The following HDAC9 variants were observed in gnomAD, a reference collection of about 807,000 sequenced individuals.
HDAC9 encodes the protein MEF-2 interacting transcription repressor (MITR) protein.
A neutral mutation model predicts 139.4 loss-of-function variants in HDAC9; 41 were observed. That is an observed-to-expected ratio of 0.29 (90% CI 0.23 to 0.38). HDAC9 has a LOEUF of 0.38. Ranked by LOEUF, HDAC9 falls within the 10% of genes least tolerant of loss-of-function variation. The probability of loss-of-function intolerance (pLI) is 1.00; values close to 1 mark genes in which losing one functional copy is unlikely to be tolerated. For missense variants in HDAC9, 1,147 were observed against 1,297.0 expected (o/e 0.88, Z 1.78); for synonymous variants, 517 against 476.2 (o/e 1.09, Z -1.12).
intron 1 of HDAC9, among the ~76,000 whole-genome samples, chr7:18,122,180 G>T (rs1430130667): frequency 2.0e-5 from 3 of 152,192 alleles, no homozygotes; most frequent in Non-Finnish European, 4.4e-5. Flanking sequence ...TTCACAAGCA[G>T]TTGAAAGATT....
intron 25 of HDAC9, among the ~76,000 whole-genome samples, chr7:18,984,501 T>A (rs1563106471): frequency 6.6e-6 from 1 of 151,906 alleles, no homozygotes; most frequent in Non-Finnish European, 1.5e-5. Context: ...ACAGAGAGTG[T>A]CATGGAGGAG....
chr7:18,369,826 A>G (rs1784460403), intron 1 of HDAC9, among the ~76,000 whole-genome samples: 1 of 152,004 alleles, frequency 6.6e-6, no homozygotes, highest in Admixed American at 6.6e-5. Context: ...ATCATCTCCA[A>G]ATGGGATTGT....
chr7:18,383,391 G>T (rs1377947851), intron 1 of HDAC9, among the ~76,000 whole-genome samples: 1 of 152,112 alleles, frequency 6.6e-6, no homozygotes, highest in Non-Finnish European at 1.5e-5. Flanking sequence ...ACACTATTAG[G>T]CTATCAAAGT....
intron 16 of HDAC9, among the ~76,000 whole-genome samples, chr7:18,781,244 C>T (rs143397869): frequency 6.6e-6 from 1 of 152,136 alleles, no homozygotes; most frequent in East Asian, 1.9e-4. Flanking sequence ...TCCCATTGGG[C>T]TTAGGACTTC....
At chr7:18,961,877 A>T (rs189924396) in intron 24 of HDAC9, among the ~76,000 whole-genome samples, 1 of 152,190 alleles carries the variant, frequency 6.6e-6, no homozygotes, top group African/African-American at 2.4e-5. Context: ...CTTAGCCTCT[A>T]AGTTACACTA....
At chr7:18,293,950 C>T (rs1348599659) in intron 1 of HDAC9, among the ~76,000 whole-genome samples, 1 of 152,030 alleles carries the variant, frequency 6.6e-6, no homozygotes, top group Non-Finnish European at 1.5e-5. Context: ...TAATTATTAA[C>T]TTAATAATCA....
chr7:18,155,591 C>T (rs1488025457), intron 1 of HDAC9, among the ~76,000 whole-genome samples: 1 of 152,164 alleles, frequency 6.6e-6, no homozygotes, highest in African/African-American at 2.4e-5. Context: ...GTTCCCTGCT[C>T]TATATTACAC....
chr7:18,129,435 A>T (rs867176873), intron 1 of HDAC9, among the ~76,000 whole-genome samples: 4 of 152,134 alleles, frequency 2.6e-5, no homozygotes, highest in African/African-American at 9.7e-5. Context: ...TATAGAACCT[A>T]TAAAATGAGT....
chr7:18,826,651 T>A (rs1585110230), intron 17 of HDAC9, among the ~76,000 whole-genome samples: 1 of 148,124 alleles, frequency 6.8e-6, no homozygotes, highest in South Asian at 2.1e-4. Context: ...TTCAAGTCTT[T>A]TTTTTTTTTT....
At chr7:18,781,850 C>T (rs1457836905) in intron 16 of HDAC9, among the ~76,000 whole-genome samples, 5 of 152,046 alleles carry the variant, frequency 3.3e-5, no homozygotes, top group African/African-American at 1.2e-4. Flanking sequence ...TTTTAAGTTA[C>T]CAAATCAAGA....
chr7:18,931,300 G>A (rs1191566290), intron 22 of HDAC9, among the ~76,000 whole-genome samples: 1 of 152,012 alleles, frequency 6.6e-6, no homozygotes, highest in Non-Finnish European at 1.5e-5. Context: ...TTGTCATCCC[G>A]GTAATAAGGT....
chr7:18,655,201 A>G (rs1336900156), intron 11 of HDAC9, among the ~76,000 whole-genome samples: 1 of 152,170 alleles, frequency 6.6e-6, no homozygotes, highest in Non-Finnish European at 1.5e-5. Context: ...TAGTGTTGTC[A>G]GGTTTAATTT....
intron 2 of HDAC9, among the ~76,000 whole-genome samples, chr7:18,530,932 C>T (rs1233874486): frequency 6.6e-6 from 1 of 151,810 alleles, no homozygotes; most frequent in African/African-American, 2.4e-5. Context: ...TCCTCTATTT[C>T]ACTTCAGCTT....
intron 2 of HDAC9, among the ~76,000 whole-genome samples, chr7:18,516,703 G>C (rs1327958770): frequency 6.6e-6 from 1 of 151,836 alleles, no homozygotes; most frequent in African/African-American, 2.4e-5. Context: ...TCTACTAAAA[G>C]TACAAAACTT....
At chr7:18,773,883 T>G (rs1458711787) in intron 16 of HDAC9, among the ~76,000 whole-genome samples, 1 of 152,124 alleles carries the variant, frequency 6.6e-6, no homozygotes, top group Non-Finnish European at 1.5e-5. Flanking sequence ...CAAACTAATA[T>G]TCAATATGTA....
chr7:18,825,197 T>A (rs1795321942), intron 17 of HDAC9, among the ~76,000 whole-genome samples: 1 of 152,150 alleles, frequency 6.6e-6, no homozygotes, highest in Admixed American at 6.5e-5. Context: ...ATCTGTGAAG[T>A]GTATGAGATG....
intron 2 of HDAC9, among the ~76,000 whole-genome samples, chr7:18,213,657 G>A (rs1019562993): frequency 6.6e-6 from 1 of 152,104 alleles, no homozygotes; most frequent in Non-Finnish European, 1.5e-5. Flanking sequence ...AGCTAAATGT[G>A]TAAGCTATTC....
intron 12 of HDAC9, among the ~76,000 whole-genome samples, chr7:18,671,762 TG>T (rs1795690879): frequency 6.6e-6 from 1 of 152,030 alleles, no homozygotes; most frequent in Non-Finnish European, 1.5e-5. Flanking sequence ...ACCACTCATC[TG>T]CTTTATATCT....
rs538302559 is a variant in HDAC9 at position 18,990,313 on chromosome 7, G to A, written c.3171-5710G>A. ...TCTGTTGGAGTACCTGGCCATGTGA[G>A]GTGTCAGTGTGCCCCTGCTGAGGGG... On this transcript the variant is annotated intron_variant, in intron 25 of 25. Coordinates refer to ENST00000686413, the MANE Select transcript of HDAC9 (RefSeq NM_178425.4). Among the ~76,000 whole-genome samples the A allele has an allele frequency of 2.6e-3, 395 of 152,216 alleles. 3 individuals carry two copies. Among genetic ancestry groups the A allele is most frequent in the African/African-American group, 9.1e-3 (377 of 41,522 alleles).
Sources: allele counts gnomAD v4.1 joint callset (sites outside exome capture counted in the v4.1 genomes callset), GRCh38; gene constraint gnomAD v4.1.1; transcripts MANE v1.5; gene names NCBI Gene and HGNC (gene_info 2026-07-23, HGNC 2026-07-21).